IMPG2: variants seen among roughly 807,000 people sequenced by gnomAD.
IMPG2 encodes the protein IPM 200.
A neutral mutation model predicts 129.2 loss-of-function variants in IMPG2; 91 were observed. The observed-to-expected ratio is 0.70, with a 90% CI of 0.59 to 0.84. IMPG2 has a LOEUF of 0.84. Among genes scored for constraint, IMPG2 ranks in the 40% least tolerant of loss-of-function variants. The pLI is 0.00. For missense variants in IMPG2, 1,430 were observed against 1,461.7 expected (o/e 0.98, Z 0.35); for synonymous variants, 510 against 517.7 (o/e 0.99, Z 0.20).
intron 4 of IMPG2, among the ~76,000 whole-genome samples, chr3:101,282,323 C>T (rs1285245118): frequency 1.3e-5 from 2 of 152,154 alleles, no homozygotes; most frequent in African/African-American, 2.4e-5. Context: ...TGTGAGCTAG[C>T]CCCATGTCAT....
Position 101,224,637 on chromosome 3 carries a change from A to G in IMPG2, c.*2332T>C, listed in dbSNP as rs144532789. On this transcript the variant is annotated 3_prime_UTR_variant, in exon 19 of 19. Transcript: ENST00000193391. ...GCTCCTTTAGTGCTTTGCTTTGTAC[A>G]TGAGTGGATGGATCTTTGCTGGGCA... 6.6e-6 allele frequency: 1 copy of G among 152,156 alleles called. No homozygotes were observed. Among genetic ancestry groups the G allele is most frequent in the Non-Finnish European group, 1.5e-5 (1 of 68,020 alleles). 9.4% of individuals were successfully genotyped at this position (152,156 alleles called of 1,614,324 possible).
chr3:101,290,065 T>A (rs485177), intron 4 of IMPG2, among the ~76,000 whole-genome samples: 109,555 of 151,416 alleles, frequency 0.72, 40,611 homozygotes, highest in East Asian at 0.84. Context: ...GAGAAGTTAA[T>A]CGAGCCAATA....
intron 14 of IMPG2, among the ~76,000 whole-genome samples, chr3:101,234,111 C>A (rs1706319814): frequency 6.7e-6 from 1 of 150,206 alleles, no homozygotes; most frequent in Non-Finnish European, 1.5e-5. Context: ...TCCAGAACCG[C>A]AGAATATGAC....
chr3:101,228,876 C>A lies in IMPG2; in HGVS notation c.3634G>T (p.Glu1212Ter), dbSNP rs878853357. ...AAAACTCTCATTCTCTCTTGAATTT[C>A]CTTAAACAAAAAAGAAACAATAGGC... ...MYESSELSRE[E>*]IQERMRVLEL... Residue 1212 changes from glutamate (E) to a stop codon, truncating the protein, a stop_gained and splice_region_variant, in exon 18 of 19, where the codon GAA becomes TAA. Coordinates refer to ENST00000193391, the MANE Select transcript of IMPG2 (RefSeq NM_016247.4). LOFTEE classifies it high-confidence loss of function. 1.3e-5 allele frequency: 21 copies of A among 1,612,298 alleles called. No homozygotes were observed. The highest frequency in any genetic ancestry group is 1.7e-5 in the Admixed American group (1 of 59,976).
intron 11 of IMPG2, among the ~76,000 whole-genome samples, chr3:101,250,750 C>G (rs1706534664): frequency 6.6e-6 from 1 of 152,144 alleles, no homozygotes; most frequent in Admixed American, 6.5e-5. Context: ...GCATATTCCA[C>G]AGGTTTATAA....
chr3:101,315,837 T>C (rs1250543816), intron 2 of IMPG2, among the ~76,000 whole-genome samples: 2 of 150,362 alleles, frequency 1.3e-5, no homozygotes, highest in Non-Finnish European at 3.0e-5. Flanking sequence ...CAAACAAATT[T>C]GAAAAAAAAA....
intron 14 of IMPG2, among the ~76,000 whole-genome samples, chr3:101,236,370 TGTGA>T (rs1576744967): frequency 6.6e-6 from 1 of 152,132 alleles, no homozygotes; most frequent in Non-Finnish European, 1.5e-5. Context: ...GCAGCTGACA[TGTGA>T]GTTACATACA....
At chr3:101,256,162 AAAGAAAG>A (rs1706601125) in intron 10 of IMPG2, among the ~76,000 whole-genome samples, 1 of 140,632 alleles carries the variant, frequency 7.1e-6, no homozygotes, top group Admixed American at 6.9e-5. Flanking sequence ...AGAAAGAAAG[AAAGAAAG>A]AAAGAAAGAA....
intron 9 of IMPG2, among the ~76,000 whole-genome samples, chr3:101,266,785 T>C (rs1706725488): frequency 6.6e-6 from 1 of 152,164 alleles, no homozygotes; most frequent in Non-Finnish European, 1.5e-5. Flanking sequence ...CCCTCCTGCA[T>C]GCCTCCCATT....
At chr3:101,274,790 T>C (rs1359884740) in intron 6 of IMPG2, among the ~76,000 whole-genome samples, 1 of 152,228 alleles carries the variant, frequency 6.6e-6, no homozygotes, top group African/African-American at 2.4e-5. Flanking sequence ...TATCACTTTT[T>C]ATTCATTCAT....
intron 12 of IMPG2, 124 bp downstream of exon 12, chr3:101,245,678 A>AC: frequency 2.2e-6 from 2 of 892,732 alleles, no homozygotes; most frequent in Non-Finnish European, 3.7e-6. Context: ...ACACAATTTT[A>AC]CCAAGACATT....
intron 7 of IMPG2, among the ~76,000 whole-genome samples, chr3:101,270,647 A>T (rs1706772284): frequency 6.6e-6 from 1 of 152,042 alleles, no homozygotes; most frequent in Non-Finnish European, 1.5e-5. Context: ...AAAAATACAA[A>T]AAATCAGCCA....
chr3:101,287,151 G>T (rs1041166430), intron 4 of IMPG2, among the ~76,000 whole-genome samples: 18 of 152,026 alleles, frequency 1.2e-4, no homozygotes, highest in Admixed American at 9.2e-4. Flanking sequence ...GAATCTATTG[G>T]AACAAAATGT....
At chr3:101,282,122 T>C (rs554030) in intron 4 of IMPG2, among the ~76,000 whole-genome samples, 137,878 of 152,258 alleles carry the variant, frequency 0.91, 62,552 homozygotes, top group East Asian at 1. Context: ...ATAGTGGAAA[T>C]GGGAGTTAAT....
intron 6 of IMPG2, among the ~76,000 whole-genome samples, chr3:101,274,466 A>G (rs990309777): frequency 1.3e-5 from 2 of 152,190 alleles, no homozygotes; most frequent in Non-Finnish European, 2.9e-5. Flanking sequence ...ATAAATCCCA[A>G]CAGAACTGAA....
At position 101,226,615 on chromosome 3, in the gene IMPG2, G is replaced by T; in HGVS notation, c.*354C>A. The T allele has an allele frequency of 4.6e-6, 1 of 218,324 alleles. No homozygotes were observed. Among genetic ancestry groups the T allele is most frequent in the Non-Finnish European group, 9.0e-6 (1 of 111,558 alleles). 13.5% of individuals were successfully genotyped at this position (218,324 alleles called of 1,614,324 possible). A position where few individuals can be genotyped will look rare whatever the true frequency, so the allele number is the denominator to read the frequency against. On this transcript the variant is annotated 3_prime_UTR_variant, in exon 19 of 19. Coordinates refer to ENST00000193391, the MANE Select transcript of IMPG2 (RefSeq NM_016247.4). ...AAGAGTCTCACCTTATTTTCCTATTGAAAAACCCGAGGCACAGTTCTTAGG... is the reference window on the plus strand; with the variant it reads ...AAGAGTCTCACCTTATTTTCCTATTTAAAAACCCGAGGCACAGTTCTTAGG...
intron 4 of IMPG2, among the ~76,000 whole-genome samples, chr3:101,288,241 T>A (rs1306710159): frequency 1.3e-5 from 2 of 152,148 alleles, no homozygotes; most frequent in African/African-American, 4.8e-5. Flanking sequence ...CAGATGTTGA[T>A]GAGGTTGCAG....
At chr3:101,255,685 G>A (rs1019211201) in intron 10 of IMPG2, among the ~76,000 whole-genome samples, 4 of 151,882 alleles carry the variant, frequency 2.6e-5, no homozygotes, top group African/African-American at 4.8e-5. Context: ...GGTTAGCCCC[G>A]GCTAATCTCT....
At chr3:101,312,436 A>G (rs897021936) in intron 2 of IMPG2, among the ~76,000 whole-genome samples, 2 of 152,176 alleles carry the variant, frequency 1.3e-5, no homozygotes, top group Non-Finnish European at 2.9e-5. Context: ...GTTATTAATC[A>G]TTAGGGAAAT....
Sources: gnomAD v4.1 joint callset for allele counts (sites outside exome capture counted in the v4.1 genomes callset) on GRCh38, gnomAD v4.1.1 for gene constraint, MANE v1.5 for transcripts, NCBI Gene and HGNC (gene_info 2026-07-23, HGNC 2026-07-21) for gene names.